ZNF470: variants seen among roughly 807,000 people sequenced by gnomAD.
The protein encoded by ZNF470 is chondrogenesis zinc finger protein 1.
In ZNF470, 13 loss-of-function variants were observed where a neutral mutation model predicts 13.9. The observed-to-expected ratio is 0.94, with a 90% CI of 0.61 to 1.49. ZNF470 has a LOEUF of 1.49. Ranked by LOEUF, ZNF470 falls within the 40% of genes most tolerant of loss-of-function variation. The pLI is 0.00. For synonymous variants in ZNF470, 293 were observed against 282.9 expected, an observed-to-expected ratio of 1.04 and a Z score of -0.36; for missense variants, 929 against 857.3, an observed-to-expected ratio of 1.08 and a Z score of -1.04.
Position 56,577,888 on chromosome 19 carries a change from G to A in ZNF470, c.1459G>A (p.Gly487Arg). 6.2e-7 allele frequency: 1 copy of A among 1,613,812 alleles called. No homozygotes were observed. Among genetic ancestry groups the A allele is most frequent in the Non-Finnish European group, 8.5e-7 (1 of 1,179,894 alleles). Residue 487 changes from glycine (G) to arginine (R), a missense_variant, in exon 6 of 6, where the codon GGG (glycine) becomes AGG (arginine). By Grantham distance (125) the Gly-to-Arg change is moderately radical. Transcript: ENST00000330619. Reference sequence around the variant, plus strand: ...GAAACCCTATGAATGTAAAGAATGTGGGAAAGCTTTCCGGCAGAGCACGCA... The same window carrying A: ...GAAACCCTATGAATGTAAAGAATGTAGGAAAGCTTTCCGGCAGAGCACGCA... ...GEKPYECKEC[G>R]KAFRQSTHLA...
chr19:56,570,204 G>C, intron 2 of ZNF470, 76 bp from the exon 3 acceptor site: 2 of 1,027,886 alleles, frequency 1.9e-6, no homozygotes, highest in Non-Finnish European at 3.0e-6. Context: ...GACAGAAGAA[G>C]CTGAAGGGAA....
rs2044500701 is a variant in ZNF470, at chr19:56,577,623, CTG to C, written c.1196_1197del (p.Cys399TyrfsTer2). 6.2e-7 allele frequency: 1 copy of C among 1,613,642 alleles called. No homozygotes were observed. Among genetic ancestry groups the C allele is most frequent in the Non-Finnish European group, 8.5e-7 (1 of 1,179,884 alleles). ...ATCATACTGGAGAGAAACCCTTTGA[CTG>C]TATTGATTGTGGGAAGGCTTTCACT... ...YYHTGEKPFDCIDCGKAFTDH... is the reference protein window; with the variant it reads ...YYHTGEKPFDXIDCGKAFTDH... On this transcript the variant is annotated frameshift_variant, in exon 6 of 6. Coordinates refer to ENST00000330619, the MANE Select transcript of ZNF470 (RefSeq NM_001001668.4). LOFTEE classifies it low-confidence loss of function (END_TRUNC).
rs1321818335 is a variant in ZNF470, at chr19:56,574,670, T to G, written c.220T>G (p.Leu74Val). 1.9e-6 allele frequency: 3 copies of G among 1,613,814 alleles called. No homozygotes were observed. The highest frequency in any genetic ancestry group is 2.5e-6 in the Non-Finnish European group (3 of 1,179,806). ...CATTTCTAAACCAGATGTGATCTCC[T>G]TACTGGAGCAAGAGAAAGACCCTTG... ...LCISKPDVISLLEQEKDPWVI... is the reference protein window; with the variant it reads ...LCISKPDVISVLEQEKDPWVI... The change falls in exon 5 of 6, where the codon TTA becomes GTA. Residue 74 changes from leucine to valine, a missense_variant. Transcript: ENST00000330619.
intron 3 of ZNF470, chr19:56,574,156 A>T (rs1395656515): frequency 1.5e-6 from 1 of 674,604 alleles, no homozygotes; most frequent in Non-Finnish European, 2.4e-6. Flanking sequence ...GCCACCTAGA[A>T]TTGCAAATGT....
In ZNF470 at chr19:56,578,125, G is replaced by A. The variant is rs1437890643; in HGVS notation, c.1696G>A (p.Glu566Lys). ...QRVHTGEKPYECIECGKAFSD... is the reference protein window; with the variant it reads ...QRVHTGEKPYKCIECGKAFSD... ...AGTTCATACTGGTGAGAAGCCTTAC[G>A]AATGTATTGAATGTGGGAAGGCCTT... The change falls in exon 6 of 6, where the codon GAA becomes AAA. Residue 566 changes from glutamate (E) to lysine (K), a missense_variant. Glu to Lys is a moderately conservative substitution (Grantham distance 56). Transcript: ENST00000330619. The A allele has an allele frequency of 6.2e-6, 10 of 1,613,894 alleles. No homozygotes were observed. Among genetic ancestry groups the A allele is most frequent in the South Asian group, 4.4e-5 (4 of 91,082 alleles).
Position 56,581,529 on chromosome 19 carries a change from T to A in ZNF470, c.*2946T>A. 1 of 803,444 alleles carries A rather than the reference T, an allele frequency of 1.2e-6. No individual in the cohort carries two copies. The highest frequency in any genetic ancestry group is 1.5e-6 in the Non-Finnish European group (1 of 664,320). The allele number at this position is 803,444 out of a possible 1,614,324, so 49.8% of individuals were successfully genotyped here. A position where few individuals can be genotyped will look rare whatever the true frequency, so the allele number is the denominator to read the frequency against. ...CCATCAGGGTAATAAATAAATTAAT[T>A]ATGGTATATATCCATTCAATAGGAA... On this transcript the variant is annotated 3_prime_UTR_variant, in exon 6 of 6. Transcript: ENST00000330619.
In ZNF470 at chr19:56,580,326, A is replaced by T. The variant is rs978542473; in HGVS notation, c.*1743A>T. On this transcript the variant is annotated 3_prime_UTR_variant, in exon 6 of 6. Transcript: ENST00000330619. Reference sequence around the variant, plus strand: ...CATGGCAGTTATGTTCACTCATATAAATGTTGATTTAGAAGCTGGTGGAAG... The same window carrying T: ...CATGGCAGTTATGTTCACTCATATATATGTTGATTTAGAAGCTGGTGGAAG... 4 of 257,066 alleles carry T rather than the reference A, an allele frequency of 1.6e-5. No homozygotes were observed. Among genetic ancestry groups the T allele is most frequent in the Non-Finnish European group, 2.4e-5 (4 of 164,660 alleles). The allele number at this position is 257,066 out of a possible 1,614,324, so 15.9% of individuals were successfully genotyped here. A position where few individuals can be genotyped will look rare whatever the true frequency, so the allele number is the denominator to read the frequency against.
In ZNF470 at chr19:56,577,081, C is replaced by A. The variant is rs750337391; in HGVS notation, c.652C>A (p.His218Asn). ...AAAAACACATTCAGTTGTGAAAAAA[C>A]ACAAGCAAGACCGTGGAGAAAAGAA... ...SLKTHSVVKK[H>N]KQDRGEKKLL... is the part of the protein sequence containing the mutation. Residue 218 changes from histidine (H) to asparagine (N), a missense_variant, in exon 6 of 6, where the codon CAC becomes AAC. By Grantham distance (68) the His-to-Asn change is moderately conservative (BLOSUM62 1). Transcript: ENST00000330619. 2.9e-5 allele frequency: 46 copies of A among 1,596,500 alleles called. No homozygotes were observed. The highest frequency in any genetic ancestry group is 2.0e-4 in the South Asian group (18 of 88,140).
Position 56,567,507 on chromosome 19 carries a change from C to T in ZNF470, c.-690C>T, listed in dbSNP as rs999515908. ...CCCAAAGCCGGGCGAGTGCACGTCCCGCCGGTTGCTGAGGAGAAGGGAGGT... is the reference window on the plus strand; with the variant it reads ...CCCAAAGCCGGGCGAGTGCACGTCCTGCCGGTTGCTGAGGAGAAGGGAGGT... On this transcript the variant is annotated 5_prime_UTR_variant, in exon 1 of 6. Transcript: ENST00000330619. The T allele has an allele frequency of 9.1e-6, 9 of 985,874 alleles. No homozygotes were observed. Among genetic ancestry groups the T allele is most frequent in the African/African-American group, 7.0e-5 (4 of 57,264 alleles). 61.1% of individuals were successfully genotyped at this position (985,874 alleles called of 1,614,324 possible). A position where few individuals can be genotyped will look rare whatever the true frequency, so the allele number is the denominator to read the frequency against.
chr19:56,579,116 C>T lies in ZNF470; in HGVS notation c.*533C>T. ...TTACCTGACACTGAGAAGTGAGAATCAGCCAATTAGAACAAAAGCTTTTAG... is the reference window on the plus strand; with the variant it reads ...TTACCTGACACTGAGAAGTGAGAATTAGCCAATTAGAACAAAAGCTTTTAG... On this transcript the variant is annotated 3_prime_UTR_variant, in exon 6 of 6. Transcript: ENST00000330619. 1.0e-6 allele frequency: 1 copy of T among 985,496 alleles called. No homozygotes were observed. The highest frequency in any genetic ancestry group is 1.2e-6 in the Non-Finnish European group (1 of 829,986). 61.0% of individuals were successfully genotyped at this position (985,496 alleles called of 1,614,324 possible). A position where few individuals can be genotyped will look rare whatever the true frequency, so the allele number is the denominator to read the frequency against.
Position 56,567,829 on chromosome 19 carries a change from C to T in ZNF470, c.-368C>T. On this transcript the variant is annotated 5_prime_UTR_variant, in exon 1 of 6. Transcript: ENST00000330619. ...TTTAAGTGGCCAAGAGCAGGAAACC[C>T]GGCCGGAGGAGGCTTACCCCGTTCT... The T allele has an allele frequency of 1.0e-6, 1 of 986,258 alleles. No homozygotes were observed. The allele number at this position is 986,258 out of a possible 1,614,324, so 61.1% of individuals were successfully genotyped here.
Position 56,578,823 on chromosome 19 carries a change from C to T in ZNF470, c.*240C>T. 1 of 1,191,822 alleles carries T rather than the reference C, an allele frequency of 8.4e-7. No individual in the cohort carries two copies. Among genetic ancestry groups the T allele is most frequent in the Non-Finnish European group, 1.0e-6 (1 of 956,498 alleles). The allele number at this position is 1,191,822 out of a possible 1,614,324, so 73.8% of individuals were successfully genotyped here. On this transcript the variant is annotated 3_prime_UTR_variant, in exon 6 of 6. Transcript: ENST00000330619. ...TGATTTGAAAAATATATTAACTAAT[C>T]CATTTCAAGGATTTAGCACACACTG...
chr19:56,576,801 A>G lies in ZNF470; in HGVS notation c.372A>G (p.Arg124=). 1 of 1,571,620 alleles carries G rather than the reference A, an allele frequency of 6.4e-7. No individual in the cohort carries two copies. Among genetic ancestry groups the G allele is most frequent in the Non-Finnish European group, 8.6e-7 (1 of 1,165,818 alleles). The change falls in exon 6 of 6, where the codon AGA becomes AGG. Residue 124 remains arginine (R), a synonymous_variant. Coordinates refer to ENST00000330619, the MANE Select transcript of ZNF470 (RefSeq NM_001001668.4). ...EKLPPAIIME[R]LKSYDLECST... ...TACCCCCGGCAATCATAATGGAAAGACTTAAAAGCTATGACCTTGAATGTT... is the reference window on the plus strand; with the variant it reads ...TACCCCCGGCAATCATAATGGAAAGGCTTAAAAGCTATGACCTTGAATGTT...
Position 56,577,595 on chromosome 19 carries a change from A to G in ZNF470, c.1166A>G (p.Tyr389Cys), listed in dbSNP as rs2044500282. ...QNASLIRHRR[Y>C]YHTGEKPFDC... ...GCTTCTCTTATACGTCATCGGCGAT[A>G]TTATCATACTGGAGAGAAACCCTTT... Residue 389 changes from tyrosine (Y) to cysteine (C), a missense_variant, in exon 6 of 6, where the codon TAT (tyrosine) becomes TGT (cysteine). Physicochemically the swap from Tyr to Cys is radical, Grantham distance 194 (BLOSUM62 -2). Transcript: ENST00000330619. 2.5e-6 allele frequency: 4 copies of G among 1,613,910 alleles called. No homozygotes were observed. The highest frequency in any genetic ancestry group is 3.4e-6 in the Non-Finnish European group (4 of 1,179,922).
rs768989527 is a variant in ZNF470 at position 56,576,841 on chromosome 19, A to C, written c.412A>C (p.Asn138His). 7.3e-5 allele frequency: 116 copies of C among 1,591,882 alleles called. 5 individuals carry two copies. In the South Asian group the frequency reaches 1.3e-3, roughly 18 times the overall value. Reference sequence around the variant, plus strand: ...CCTTGAATGTTCAACATTAGGGAAAAACTGGAAATGTGAAGACTTGTTTGA... The same window carrying C: ...CCTTGAATGTTCAACATTAGGGAAACACTGGAAATGTGAAGACTTGTTTGA... ...YDLECSTLGK[N>H]WKCEDLFERE... The change falls in exon 6 of 6, where the codon AAC becomes CAC. Residue 138 changes from asparagine to histidine, a missense_variant. Coordinates refer to ENST00000330619, the MANE Select transcript of ZNF470 (RefSeq NM_001001668.4).
rs1411898060 is a variant in ZNF470, at chr19:56,577,151, C to T, written c.722C>T (p.Ser241Leu). The T allele has an allele frequency of 1.2e-6, 2 of 1,613,378 alleles. No homozygotes were observed. The highest frequency in any genetic ancestry group is 1.1e-5 in the South Asian group (1 of 90,924). The change falls in exon 6 of 6, where the codon TCA becomes TTA. Residue 241 changes from serine to leucine, a missense_variant. Ser to Leu is a moderately radical substitution (Grantham distance 145). Transcript: ENST00000330619. ...NDCEKIFSKI[S>L]TLTLHQRIHT... Reference sequence around the variant, plus strand: ...TGTGAGAAAATATTCAGCAAAATCTCAACCCTTACTCTTCACCAAAGAATT... The same window carrying T: ...TGTGAGAAAATATTCAGCAAAATCTTAACCCTTACTCTTCACCAAAGAATT...
intron 1 of ZNF470, among the ~76,000 whole-genome samples, chr19:56,568,446 C>G (rs1320774901): frequency 6.6e-6 from 1 of 152,320 alleles, no homozygotes; most frequent in Middle Eastern, 3.4e-3. Context: ...TTCACAGCTT[C>G]ACCCAGAAAT....
In ZNF470 at chr19:56,578,209, G is replaced by C. The variant is rs781632619; in HGVS notation, c.1780G>C (p.Glu594Gln). ...ACTCCACAGTGGCAAAAGACCGTAT[G>C]AATGTCTTGAATGTGGGAAGGCATT... ...QRLHSGKRPYECLECGKAFRQ... is the reference protein window; with the variant it reads ...QRLHSGKRPYQCLECGKAFRQ... The change falls in exon 6 of 6, where the codon GAA becomes CAA. Residue 594 changes from glutamate to glutamine, a missense_variant. Glu to Gln is a conservative substitution (Grantham distance 29). Coordinates refer to ENST00000330619, the MANE Select transcript of ZNF470 (RefSeq NM_001001668.4). The C allele has an allele frequency of 1.9e-6, 3 of 1,614,076 alleles. No homozygotes were observed. The highest frequency in any genetic ancestry group is 2.5e-6 in the Non-Finnish European group (3 of 1,179,990).
At position 56,580,149 on chromosome 19, in the gene ZNF470, G is replaced by A; in HGVS notation, c.*1566G>A. ...TGGATCAGGCACCTTACTATCCCCAGAACATGTTGGTATTAGAGGATGAGG... is the reference window on the plus strand; with the variant it reads ...TGGATCAGGCACCTTACTATCCCCAAAACATGTTGGTATTAGAGGATGAGG... On this transcript the variant is annotated 3_prime_UTR_variant, in exon 6 of 6. Coordinates refer to ENST00000330619, the MANE Select transcript of ZNF470 (RefSeq NM_001001668.4). 1 of 984,766 alleles carries A rather than the reference G, an allele frequency of 1.0e-6. No homozygotes were observed. Among genetic ancestry groups the A allele is most frequent in the African/African-American group, 1.7e-5 (1 of 57,188 alleles). The allele number at this position is 984,766 out of a possible 1,614,324, so 61.0% of individuals were successfully genotyped here.
Sources: gnomAD v4.1 joint callset for allele counts (sites outside exome capture counted in the v4.1 genomes callset) on GRCh38, gnomAD v4.1.1 for gene constraint, MANE v1.5 for transcripts, NCBI Gene and HGNC (gene_info 2026-07-23, HGNC 2026-07-21) for gene names.